The following SYCP2L variants were observed in gnomAD, a reference collection of about 807,000 sequenced individuals.
SYCP2L encodes the protein synaptonemal complex protein 2-like.
In SYCP2L, 98 loss-of-function variants were observed where a neutral mutation model predicts 125.8. That is an observed-to-expected ratio of 0.78 (90% CI 0.66 to 0.92). SYCP2L has a LOEUF of 0.92. Ranked by LOEUF, SYCP2L falls within the 40% of genes least tolerant of loss-of-function variation. SYCP2L has a pLI of 0.00. For missense variants in SYCP2L, 842 were observed against 936.4 expected, an observed-to-expected ratio of 0.90 and a Z score of 1.32; for synonymous variants, 317 against 325.4, an observed-to-expected ratio of 0.97 and a Z score of 0.28.
chr6:10,926,870 C>T (rs1452549984), intron 16 of SYCP2L, among the ~76,000 whole-genome samples: 1 of 151,342 alleles, frequency 6.6e-6, no homozygotes, highest in Non-Finnish European at 1.5e-5. Flanking sequence ...ACCTCTGCCT[C>T]CTAGGTTTAA....
intron 1 of SYCP2L, among the ~76,000 whole-genome samples, chr6:10,890,808 T>C (rs1209785222): frequency 6.6e-6 from 1 of 152,204 alleles, no homozygotes. Context: ...TTCTAGTAGT[T>C]TGGGATCTTA....
At chr6:10,947,553 G>T (rs145750676) in intron 23 of SYCP2L, among the ~76,000 whole-genome samples, 47 of 152,048 alleles carry the variant, frequency 3.1e-4, no homozygotes, top group Admixed American at 8.5e-4. Context: ...TTTAAAATTT[G>T]TTATTGCTAA....
At chr6:10,941,991 C>A (rs935250973) in intron 21 of SYCP2L, among the ~76,000 whole-genome samples, 1 of 151,950 alleles carries the variant, frequency 6.6e-6, no homozygotes, top group African/African-American at 2.4e-5. Context: ...ATGATGATTT[C>A]ATGTCCTTTG....
rs535364157 is a variant in SYCP2L, at chr6:10,927,651, C to T, written c.1440+284C>T. The stretch of plus-strand genomic sequence containing the variant: ...GGGCGAGATCACAGGACCACAGGAC[C>T]GGGGCGAAATTAAAATTGCTAATGA... On this transcript the variant is annotated intron_variant, in intron 17 of 29. Coordinates refer to ENST00000283141, the MANE Select transcript of SYCP2L (RefSeq NM_001040274.3). Among the ~76,000 whole-genome samples the T allele has an allele frequency of 9.2e-5, 14 of 152,146 alleles. 1 individual carries two copies. Among genetic ancestry groups the T allele is most frequent in the South Asian group, 2.1e-4 (1 of 4,818 alleles).
intron 17 of SYCP2L, among the ~76,000 whole-genome samples, chr6:10,927,985 C>G (rs1020067272): frequency 3.9e-5 from 6 of 152,202 alleles, no homozygotes; most frequent in Non-Finnish European, 8.8e-5. Flanking sequence ...CTCTGTTCCA[C>G]CCGGCTCACC....
At chr6:10,950,894 C>T (rs916351741) in intron 23 of SYCP2L, among the ~76,000 whole-genome samples, 1 of 152,078 alleles carries the variant, frequency 6.6e-6, no homozygotes, top group Non-Finnish European at 1.5e-5. Context: ...CTCTTGGACT[C>T]AAGCAATCTG....
intron 29 of SYCP2L, among the ~76,000 whole-genome samples, chr6:10,970,782 C>T (rs1308853198): frequency 6.6e-6 from 1 of 152,170 alleles, no homozygotes; most frequent in Admixed American, 6.5e-5. Context: ...GACTGAAGCT[C>T]ATGGCTGGGG....
intron 19 of SYCP2L, 25 bp from the exon 20 acceptor site, chr6:10,931,415 G>C (rs1332684971): frequency 4.3e-6 from 7 of 1,613,508 alleles, no homozygotes; most frequent in African/African-American, 1.3e-5. Context: ...TGTATATGTT[G>C]TGCACTTGTT....
At chr6:10,930,591 A>G in intron 19 of SYCP2L, 77 bp downstream of exon 19, 2 of 1,480,370 alleles carry the variant, frequency 1.4e-6, no homozygotes, top group Non-Finnish European at 1.8e-6. Flanking sequence ...TTCAGTATAT[A>G]ATGGGAGTGG....
At chr6:10,891,858 T>C (rs1780180938) in intron 2 of SYCP2L, among the ~76,000 whole-genome samples, 1 of 152,220 alleles carries the variant, frequency 6.6e-6, no homozygotes, top group African/African-American at 2.4e-5. Context: ...CTAAACTATC[T>C]TGTGCCCTGT....
chr6:10,942,802 A>G, intron 23 of SYCP2L, 56 bp downstream of exon 23: 1 of 1,492,408 alleles, frequency 6.7e-7, no homozygotes, highest in Non-Finnish European at 9.0e-7. Flanking sequence ...AATTAATCTG[A>G]TTTTGGCAGA....
intron 14 of SYCP2L, among the ~76,000 whole-genome samples, chr6:10,920,643 A>C (rs1050737245): frequency 6.6e-6 from 1 of 152,116 alleles, no homozygotes; most frequent in African/African-American, 2.4e-5. Flanking sequence ...TTTTAAGTTC[A>C]TGGGTACATG....
At chr6:10,915,961 G>C (rs1189757060) in intron 14 of SYCP2L, among the ~76,000 whole-genome samples, 1 of 152,098 alleles carries the variant, frequency 6.6e-6, no homozygotes, top group Non-Finnish European at 1.5e-5. Flanking sequence ...GGACTTTTTG[G>C]TGTTGGTAAT....
At chr6:10,971,450 T>C (rs1781770122) in intron 29 of SYCP2L, among the ~76,000 whole-genome samples, 1 of 122,174 alleles carries the variant, frequency 8.2e-6, no homozygotes, top group African/African-American at 3.1e-5. Flanking sequence ...ACAGTGAGAC[T>C]CTGTCTCAAA....
In SYCP2L at chr6:10,954,452, G is replaced by A. The variant is rs1273234301; in HGVS notation, c.1955-664G>A. Among the ~76,000 whole-genome samples, 2 of 152,188 alleles carry A rather than the reference G, an allele frequency of 1.3e-5. No individual in the cohort carries two copies. Among genetic ancestry groups the A allele is most frequent in the African/African-American group, 2.4e-5 (1 of 41,464 alleles). ...TAGGCAGAACCTTGAGGATGGAGGAGAAGCGGGCAGCAAAGAAAAGGAGGA... is the reference window on the plus strand; with the variant it reads ...TAGGCAGAACCTTGAGGATGGAGGAAAAGCGGGCAGCAAAGAAAAGGAGGA... On this transcript the variant is annotated intron_variant, in intron 23 of 29. Transcript: ENST00000283141. This position sits in a 1 kb window ranked among gnomAD's most constrained non-coding sequence, Gnocchi z 4.8.
At chr6:10,903,522 T>C (rs1244510246) in intron 8 of SYCP2L, among the ~76,000 whole-genome samples, 2 of 152,060 alleles carry the variant, frequency 1.3e-5, no homozygotes, top group African/African-American at 4.8e-5. Flanking sequence ...TGCTCCAGCC[T>C]GAGGGTGACA....
At chr6:10,897,493 T>C (rs958933636) in intron 4 of SYCP2L, among the ~76,000 whole-genome samples, 2 of 151,234 alleles carry the variant, frequency 1.3e-5, no homozygotes, top group Admixed American at 6.6e-5. Context: ...CTTGCTAAAG[T>C]GTTGACCTTC....
intron 23 of SYCP2L, among the ~76,000 whole-genome samples, chr6:10,950,949 A>G (rs1331007178): frequency 6.6e-6 from 1 of 152,018 alleles, no homozygotes; most frequent in Non-Finnish European, 1.5e-5. Flanking sequence ...CATGAGCCAC[A>G]TGCCCAGCCA....
chr6:10,907,892 G>GTTTTTT lies in SYCP2L; in HGVS notation c.819+221_819+226dup, dbSNP rs551103839. Among the ~76,000 whole-genome samples the GTTTTTT allele has an allele frequency of 6.1e-4, 56 of 91,920 alleles. 11 individuals are homozygous for GTTTTTT. Among genetic ancestry groups the GTTTTTT allele is most frequent in the Admixed American group, 7.3e-4 (5 of 6,862 alleles). The allele number at this position is 91,920 out of a possible 152,430, so 60.3% of individuals were successfully genotyped here. On this transcript the variant is annotated intron_variant, in intron 10 of 29. Coordinates refer to ENST00000283141, the MANE Select transcript of SYCP2L (RefSeq NM_001040274.3). ...GAGCTAGATATAGGGATACAGATAG[G>GTTTTTT]TTTTTTTTTTTTTTTTTTGACAGAG...
Sources: allele counts gnomAD v4.1 joint callset (sites outside exome capture counted in the v4.1 genomes callset), GRCh38; gene constraint gnomAD v4.1.1; non-coding constraint Gnocchi (gnomAD v3.1); transcripts MANE v1.5; gene names NCBI Gene and HGNC (gene_info 2026-07-23, HGNC 2026-07-21).